The following IGSF21 variants were observed in gnomAD, a reference collection of about 807,000 sequenced individuals.
The protein encoded by IGSF21 is immunoglobulin superfamily member 21.
In IGSF21, 28 loss-of-function variants were observed where a neutral mutation model predicts 46.8. The ratio of observed to expected loss-of-function variants is 0.60; its 90% CI spans 0.44 to 0.82. The LOEUF (loss-of-function observed/expected upper bound fraction) is 0.82, where lower values mean the gene tolerates loss of function less well. Ranked by LOEUF, IGSF21 falls within the 40% of genes least tolerant of loss-of-function variation. The probability of loss-of-function intolerance (pLI) is 0.00; values close to 1 mark genes in which losing one functional copy is unlikely to be tolerated. For synonymous variants in IGSF21, 284 were observed against 273.6 expected, an observed-to-expected ratio of 1.04 and a Z score of -0.38; for missense variants, 624 against 665.5, an observed-to-expected ratio of 0.94 and a Z score of 0.69.
chr1:18,304,235 G>A (rs2085389716), intron 3 of IGSF21, among the ~76,000 whole-genome samples: 1 of 152,188 alleles, frequency 6.6e-6, no homozygotes, highest in African/African-American at 2.4e-5. Flanking sequence ...CTGGCTGAGG[G>A]TGTAGGACAG....
chr1:18,227,234 G>T (rs527279959), intron 1 of IGSF21, among the ~76,000 whole-genome samples: 1 of 152,194 alleles, frequency 6.6e-6, no homozygotes, highest in East Asian at 1.9e-4. Flanking sequence ...GCCAATGGAG[G>T]GTGTTAAGGA....
chr1:18,240,918 G>A (rs1009012849), intron 2 of IGSF21, among the ~76,000 whole-genome samples: 3 of 152,202 alleles, frequency 2.0e-5, no homozygotes, highest in African/African-American at 7.2e-5. Context: ...ATGACAAGGG[G>A]TAAGAAGCAG....
At chr1:18,269,101 G>T (rs1298547327) in intron 2 of IGSF21, among the ~76,000 whole-genome samples, 2 of 152,190 alleles carry the variant, frequency 1.3e-5, no homozygotes, top group Non-Finnish European at 2.9e-5. Context: ...GGCGCAGGAG[G>T]AGCTGCTATT....
intron 4 of IGSF21, among the ~76,000 whole-genome samples, chr1:18,352,699 T>C (rs2085970250): frequency 6.6e-6 from 1 of 152,246 alleles, no homozygotes; most frequent in Non-Finnish European, 1.5e-5. Flanking sequence ...CCTAGAAGGC[T>C]GCCTTCCCTG....
chr1:18,160,624 A>G (rs1040585185), intron 1 of IGSF21, among the ~76,000 whole-genome samples: 2 of 151,972 alleles, frequency 1.3e-5, no homozygotes, highest in African/African-American at 4.8e-5. Flanking sequence ...CTGGGGAAGG[A>G]CCGGGCACTC....
At chr1:18,268,958 A>G (rs954044851) in intron 2 of IGSF21, among the ~76,000 whole-genome samples, 2 of 152,242 alleles carry the variant, frequency 1.3e-5, no homozygotes, top group Non-Finnish European at 2.9e-5. Context: ...TATGTTGTAT[A>G]GTAAATCCTG....
intron 2 of IGSF21, among the ~76,000 whole-genome samples, chr1:18,238,422 G>A (rs2084693008): frequency 6.6e-6 from 1 of 152,218 alleles, no homozygotes; most frequent in Admixed American, 6.5e-5. Flanking sequence ...CCTTGGACGG[G>A]AAGAGGAGAT....
At chr1:18,147,226 G>A (rs2086478691) in intron 1 of IGSF21, among the ~76,000 whole-genome samples, 1 of 152,090 alleles carries the variant, frequency 6.6e-6, no homozygotes, top group Non-Finnish European at 1.5e-5. Flanking sequence ...ACCCCTCCAA[G>A]GTCTGCCATC....
chr1:18,287,920 C>T (rs958116048), intron 2 of IGSF21, among the ~76,000 whole-genome samples: 9 of 152,192 alleles, frequency 5.9e-5, no homozygotes, highest in African/African-American at 2.2e-4. Context: ...CTTTGCTCTC[C>T]AGCCCCATAG....
chr1:18,246,750 C>T (rs1338273895), intron 2 of IGSF21, among the ~76,000 whole-genome samples: 2 of 152,198 alleles, frequency 1.3e-5, no homozygotes, highest in Non-Finnish European at 1.5e-5. Context: ...GCTGCCCTGT[C>T]CACACCAACA....
At chr1:18,164,734 AT>A (rs1334665846) in intron 1 of IGSF21, among the ~76,000 whole-genome samples, 1 of 151,364 alleles carries the variant, frequency 6.6e-6, no homozygotes, top group Non-Finnish European at 1.5e-5. Context: ...TTTCTTTTAT[AT>A]ATATATATAT....
At chr1:18,359,383 A>AAAGAAAGAAAGGAAGGAAGGAAGG (rs1557659626) in intron 4 of IGSF21, among the ~76,000 whole-genome samples, 1 of 61,106 alleles carries the variant, frequency 1.6e-5, no homozygotes, top group Non-Finnish European at 3.2e-5. Context: ...AGAAAGAAAG[A>AAAGAAAGAAAGGAAGGAAGGAAGG]AAGGAAGGAA....
At chr1:18,120,123 G>A (rs2124406438) in intron 1 of IGSF21, among the ~76,000 whole-genome samples, 1 of 152,350 alleles carries the variant, frequency 6.6e-6, no homozygotes, top group East Asian at 1.9e-4. Context: ...TGGAGCGTCT[G>A]AGGAGGACTT....
intron 1 of IGSF21, chr1:18,179,418 C>T (rs1234065469): frequency 6.6e-6 from 1 of 152,194 alleles, no homozygotes; most frequent in African/African-American, 2.4e-5. Flanking sequence ...CTGTTACCTC[C>T]GTGGGCCCCT....
At chr1:18,282,447 G>A (rs548712762) in intron 2 of IGSF21, among the ~76,000 whole-genome samples, 1 of 152,124 alleles carries the variant, frequency 6.6e-6, no homozygotes, top group African/African-American at 2.4e-5. Context: ...AAGCGGGAGC[G>A]GGGTGCTGCA....
rs180857965 is a variant in IGSF21 at position 18,269,093 on chromosome 1, C to T, written c.184-22773C>T. ...CTGTAAACAACCGCATCACATGGGGCGCAGGAGGAGCTGCTATTGAAGGAG... is the reference window on the plus strand; with the variant it reads ...CTGTAAACAACCGCATCACATGGGGTGCAGGAGGAGCTGCTATTGAAGGAG... On this transcript the variant is annotated intron_variant, in intron 2 of 9. Transcript: ENST00000251296. Among the ~76,000 whole-genome samples the T allele has an allele frequency of 9.6e-4, 146 of 152,288 alleles. No individual in the cohort carries two copies. In the South Asian group the frequency reaches 0.012, roughly 13 times the overall value.
At position 18,168,262 on chromosome 1, in the gene IGSF21, G is replaced by A. The variant is rs138937525; in HGVS notation, c.71-59636G>A. 3.9e-5 allele frequency among the ~76,000 whole-genome samples: 6 copies of A among 152,268 alleles called. No homozygotes were observed. In the East Asian group the frequency reaches 1.2e-3, roughly 29 times the overall value. On this transcript the variant is annotated intron_variant, in intron 1 of 9. Transcript: ENST00000251296. ...AATAACCCTTAAACGCTGCCATTAA[G>A]TCACCTCTCATTCTTTTAAACTACC...
Position 18,291,999 on chromosome 1 carries a change from G to A in IGSF21, c.305+12G>A. 6.2e-7 allele frequency: 1 copy of A among 1,612,564 alleles called. No individual in the cohort carries two copies. Among genetic ancestry groups the A allele is most frequent in the Non-Finnish European group, 8.5e-7 (1 of 1,179,130 alleles). ...CAGTCCACTGTGAGGTGAGTGCCTG[G>A]GGGTGGCGGGCCGACAGCGGGGGAA... On this transcript the variant is annotated intron_variant, in intron 3 of 9. Transcript: ENST00000251296.
At chr1:18,314,831 G>A (rs535981349) in intron 3 of IGSF21, among the ~76,000 whole-genome samples, 1 of 152,312 alleles carries the variant, frequency 6.6e-6, no homozygotes, top group Non-Finnish European at 1.5e-5. Context: ...GCAGGGAGGA[G>A]GAGGGGAAGA....
Sources: allele counts gnomAD v4.1 joint callset (sites outside exome capture counted in the v4.1 genomes callset), GRCh38; gene constraint gnomAD v4.1.1; transcripts MANE v1.5; gene names NCBI Gene and HGNC (gene_info 2026-07-23, HGNC 2026-07-21).